LGR5: variants seen among roughly 807,000 people sequenced by gnomAD.
LGR5 encodes leucine-rich repeat-containing G protein-coupled receptor 5.
Under a neutral mutation model 76.7 loss-of-function variants are expected in LGR5, and 54 were observed. The observed-to-expected ratio is 0.70, with a 90% CI of 0.57 to 0.88. LGR5 has a LOEUF of 0.88. Ranked by LOEUF, LGR5 falls within the 40% of genes least tolerant of loss-of-function variation. LGR5 has a pLI of 0.00. For missense variants in LGR5, 1,078 were observed against 1,073.3 expected, an observed-to-expected ratio of 1.00 and a Z score of -0.06; for synonymous variants, 406 against 421.9, an observed-to-expected ratio of 0.96 and a Z score of 0.46.
intron 16 of LGR5, 169 bp from the exon 17 acceptor site, chr12:71,582,287 C>T (rs1218145121): frequency 6.9e-6 from 4 of 580,394 alleles, no homozygotes; most frequent in African/African-American, 3.7e-5. Context: ...GTCATAGCAG[C>T]TTGAGTCAAA....
In LGR5 at chr12:71,440,441, C is replaced by G; in HGVS notation, c.212+149C>G. 2.8e-6 allele frequency: 2 copies of G among 723,220 alleles called. No homozygotes were observed. The highest frequency in any genetic ancestry group is 2.3e-6 in the Non-Finnish European group (1 of 427,560). 44.8% of individuals were successfully genotyped at this position (723,220 alleles called of 1,614,324 possible). A position where few individuals can be genotyped will look rare whatever the true frequency, so the allele number is the denominator to read the frequency against. The stretch of plus-strand genomic sequence containing the variant: ...GGCATCCTGGCCAGGCCTGTTAGGG[C>G]CCCCAGAGAAATGCACGTGTCTCGG... On this transcript the variant is annotated intron_variant, in intron 1 of 17. Transcript: ENST00000266674. The surrounding 1 kb of genome is among the most constrained non-coding windows in gnomAD (Gnocchi z 5.3).
chr12:71,578,735 T>G, intron 14 of LGR5, 69 bp from the exon 15 acceptor site: 5 of 1,408,288 alleles, frequency 3.6e-6, no homozygotes, highest in Admixed American at 2.5e-5. Context: ...TTTAGGTTGT[T>G]GTTTTTTTTA....
chr12:71,526,786 C>T (rs955073973), intron 3 of LGR5, among the ~76,000 whole-genome samples: 7 of 152,034 alleles, frequency 4.6e-5, no homozygotes, highest in Non-Finnish European at 8.8e-5. Flanking sequence ...GATTTGGCTT[C>T]CTAGGAGAGA....
rs146642014 is a variant in LGR5, at chr12:71,484,478, T to C, written c.213-20136T>C. Reference sequence around the variant, plus strand: ...AGTCCACCTCCTACTGGTAATTCACTGCTATGGATTTAAAACCGAAACAAA... The same window carrying C: ...AGTCCACCTCCTACTGGTAATTCACCGCTATGGATTTAAAACCGAAACAAA... On this transcript the variant is annotated intron_variant, in intron 1 of 17. Transcript: ENST00000266674. Among the ~76,000 whole-genome samples the C allele has an allele frequency of 1.8e-4, 27 of 152,338 alleles. 1 individual carries two copies. The East Asian group carries it at 4.8e-3, about 27-fold the overall frequency.
chr12:71,504,665 T>G lies in LGR5; in HGVS notation c.264T>G (p.Ser88Arg), dbSNP rs771957977. 1 of 1,613,762 alleles carries G rather than the reference T, an allele frequency of 6.2e-7. No homozygotes were observed. Among genetic ancestry groups the G allele is most frequent in the African/African-American group, 1.3e-5 (1 of 74,886 alleles). ...AGCTGCTCCCGAATCCCCTGCCCAG[T>G]CTCCGCTTCCTGGAGGAGTTGTAAG... The part of the protein sequence containing the change: ...ISQLLPNPLP[S>R]LRFLEELRLA... Residue 88 changes from serine to arginine, a missense_variant, in exon 2 of 18, where the codon AGT becomes AGG. By Grantham distance (110) the Ser-to-Arg change is moderately radical (BLOSUM62 -1). Transcript: ENST00000266674.
intron 1 of LGR5, among the ~76,000 whole-genome samples, chr12:71,485,363 T>C (rs992291633): frequency 2.0e-5 from 3 of 152,154 alleles, no homozygotes; most frequent in African/African-American, 7.2e-5. Flanking sequence ...AGAAATTTAG[T>C]GTTCCAATGT....
At chr12:71,511,446 C>A (rs529036773) in intron 2 of LGR5, among the ~76,000 whole-genome samples, 34 of 152,258 alleles carry the variant, frequency 2.2e-4, no homozygotes, top group Admixed American at 4.6e-4. Flanking sequence ...CCAGGTGATT[C>A]TGATGCATGG....
chr12:71,509,164 A>T (rs1217331815), intron 2 of LGR5, among the ~76,000 whole-genome samples: 4 of 152,162 alleles, frequency 2.6e-5, no homozygotes, highest in Non-Finnish European at 5.9e-5. Flanking sequence ...TGGCTCTGCC[A>T]CTTACTAGCT....
rs1001851678 is a variant in LGR5 at position 71,584,969 on chromosome 12, T to A, written c.*235T>A. The A allele has an allele frequency of 7.2e-5, 34 of 472,896 alleles. No individual in the cohort carries two copies. Among genetic ancestry groups the A allele is most frequent in the Middle Eastern group, 5.5e-4 (1 of 1,826 alleles). The allele number at this position is 472,896 out of a possible 1,614,324, so 29.3% of individuals were successfully genotyped here. On this transcript the variant is annotated 3_prime_UTR_variant, in exon 18 of 18. Transcript: ENST00000266674. ...TAAGGGATAGATCGATCACACTATT[T>A]AAGTGAGCCCAGATCAAAAAAGCAG...
chr12:71,471,914 A>G (rs1043980843), intron 1 of LGR5, among the ~76,000 whole-genome samples: 32 of 152,250 alleles, frequency 2.1e-4, no homozygotes, highest in African/African-American at 7.5e-4. Context: ...AGGGAAAAAA[A>G]CAACATATTC....
chr12:71,484,786 T>C (rs1341062813), intron 1 of LGR5, among the ~76,000 whole-genome samples: 1 of 152,192 alleles, frequency 6.6e-6, no homozygotes, highest in East Asian at 1.9e-4. Flanking sequence ...CATTTTGTTG[T>C]TGACATAATA....
intron 6 of LGR5, among the ~76,000 whole-genome samples, chr12:71,557,678 C>T (rs1054340419): frequency 3.9e-5 from 6 of 152,132 alleles, no homozygotes; most frequent in African/African-American, 1.4e-4. Context: ...CAGGCTTTTC[C>T]CAGGGGAGGA....
At chr12:71,488,455 G>A (rs1029988798) in intron 1 of LGR5, among the ~76,000 whole-genome samples, 5 of 152,162 alleles carry the variant, frequency 3.3e-5, no homozygotes, top group Non-Finnish European at 7.4e-5. Flanking sequence ...CCCTTTCAAT[G>A]AGGCTCAAGG....
chr12:71,572,306 A>T (rs1175085256), intron 12 of LGR5, among the ~76,000 whole-genome samples: 2 of 151,272 alleles, frequency 1.3e-5, no homozygotes, highest in East Asian at 3.9e-4. Flanking sequence ...CTGCTCTCGA[A>T]CTCCTGACCT....
chr12:71,582,449 G>A lies in LGR5; in HGVS notation c.1553-7G>A, dbSNP rs1592567699. On this transcript the variant is annotated splice_polypyrimidine_tract_variant and splice_region_variant and intron_variant, in intron 16 of 17. Transcript: ENST00000266674. ...AACTAATCATTCCAGGACTTCTTGTGCTGCAGATGAACGTGACCTTGAAGA... is the reference window on the plus strand; with the variant it reads ...AACTAATCATTCCAGGACTTCTTGTACTGCAGATGAACGTGACCTTGAAGA... The A allele has an allele frequency of 1.2e-6, 2 of 1,613,180 alleles. No homozygotes were observed. The highest frequency in any genetic ancestry group is 2.2e-5 in the South Asian group (2 of 91,054).
chr12:71,454,738 C>T (rs1019449834), intron 1 of LGR5, among the ~76,000 whole-genome samples: 6 of 151,302 alleles, frequency 4.0e-5, no homozygotes, highest in African/African-American at 1.5e-4. Context: ...TACAATCCTT[C>T]GAGATCCACA....
At chr12:71,563,326 A>C in intron 8 of LGR5, among the ~76,000 whole-genome samples, 1 of 151,712 alleles carries the variant, frequency 6.6e-6, no homozygotes, top group Non-Finnish European at 1.5e-5. Flanking sequence ...ATACCTCCTG[A>C]CCTCCACTGC....
In LGR5 at chr12:71,570,673, G is replaced by A. The variant is rs79469370; in HGVS notation, c.1071-841G>A. ...GCAGCTTCATTTGTACTATTTATGC[G>A]GAGTAAATGGACTTTATTCCTTTAT... On this transcript the variant is annotated intron_variant, in intron 11 of 17. Transcript: ENST00000266674. Among the ~76,000 whole-genome samples, 874 of 152,094 alleles carry A rather than the reference G, an allele frequency of 5.7e-3. 11 individuals carry two copies. The highest frequency in any genetic ancestry group is 0.02 in the African/African-American group (836 of 41,470).
At chr12:71,520,806 T>G (rs538429982) in intron 2 of LGR5, among the ~76,000 whole-genome samples, 1 of 152,136 alleles carries the variant, frequency 6.6e-6, no homozygotes, top group East Asian at 1.9e-4. Flanking sequence ...ACACAGCACA[T>G]GTATACCTGT....
Sources: gnomAD v4.1 joint callset for allele counts (sites outside exome capture counted in the v4.1 genomes callset) on GRCh38, gnomAD v4.1.1 for gene constraint, Gnocchi (gnomAD v3.1) non-coding constraint, MANE v1.5 for transcripts, NCBI Gene and HGNC (gene_info 2026-07-23, HGNC 2026-07-21) for gene names.